ALOXE3: variants seen among roughly 807,000 people sequenced by gnomAD.
The protein encoded by ALOXE3 is arachidonate epidermal lipoxygenase 3.
In ALOXE3, 78 loss-of-function variants were observed where a neutral mutation model predicts 87.5. The observed-to-expected ratio is 0.89, with a 90% CI of 0.74 to 1.08. ALOXE3 has a LOEUF of 1.08. Ranked by LOEUF, ALOXE3 falls within the 50% of genes least tolerant of loss-of-function variation. The pLI is 0.00. For synonymous variants in ALOXE3, 363 were observed against 370.8 expected, an observed-to-expected ratio of 0.98 and a Z score of 0.24; for missense variants, 946 against 912.4, an observed-to-expected ratio of 1.04 and a Z score of -0.47.
intron 13 of ALOXE3, among the ~76,000 whole-genome samples, chr17:8,107,893 GAAAGAAAGAAA>G (rs1979520465): frequency 2.3e-4 from 1 of 4,326 alleles, no homozygotes; most frequent in East Asian, 9.3e-4. Flanking sequence ...AAGAAAGAAA[GAAAGAAAGAAA>G]GAAAGAAAGA....
rs568638291 is a variant in ALOXE3 at position 8,108,567 on chromosome 17, A to G, written c.1585T>C (p.Tyr529His). The change falls in exon 13 of 16, where the codon TAC (tyrosine) becomes CAC (histidine). Residue 529 changes from tyrosine to histidine, a missense_variant. Coordinates refer to ENST00000448843, the MANE Select transcript of ALOXE3 (RefSeq NM_021628.3). Reference sequence around the variant, plus strand: ...ACAGATGCGTCACTGGGATAATAGTAGCCCACGATTTCTGAGACAAAGCTG... The same window carrying G: ...ACAGATGCGTCACTGGGATAATAGTGGCCCACGATTTCTGAGACAAAGCTG... ...IESFVSEIVG[Y>H]YYPSDASVQQ... is the part of the protein sequence containing the mutation. 2.5e-6 allele frequency: 4 copies of G among 1,612,618 alleles called. No homozygotes were observed. In the East Asian group the frequency reaches 6.7e-5, roughly 27 times the overall value.
At chr17:8,101,715 C>A (rs890558103) in intron 15 of ALOXE3, among the ~76,000 whole-genome samples, 5 of 152,068 alleles carry the variant, frequency 3.3e-5, no homozygotes, top group Non-Finnish European at 7.3e-5. Flanking sequence ...TGGCTCACTG[C>A]ATTTTTTTAC....
Position 8,108,465 on chromosome 17 carries a change from T to G in ALOXE3, c.1684+3A>C, listed in dbSNP as rs1979700441. 6.2e-7 allele frequency: 1 copy of G among 1,612,170 alleles called. No individual in the cohort carries two copies. Among genetic ancestry groups the G allele is most frequent in the Non-Finnish European group, 8.5e-7 (1 of 1,178,874 alleles). On this transcript the variant is annotated splice_donor_region_variant and intron_variant, in intron 13 of 15. Coordinates refer to ENST00000448843, the MANE Select transcript of ALOXE3 (RefSeq NM_021628.3). ...CACGGAAAGTGGGATAGAGAGGGGA[T>G]ACCTGAGCTTTCCCGGCCCAGGAAC...
chr17:8,105,169 C>T (rs1979201454), intron 13 of ALOXE3, among the ~76,000 whole-genome samples: 1 of 152,222 alleles, frequency 6.6e-6, no homozygotes, highest in African/African-American at 2.4e-5. Flanking sequence ...CTTGATTGGG[C>T]CCCAGCCCCT....
Position 8,110,404 on chromosome 17 carries a change from A to C in ALOXE3, c.1082T>G (p.Leu361Arg), listed in dbSNP as rs1309546593. 2 of 1,608,914 alleles carry C rather than the reference A, an allele frequency of 1.2e-6. No individual in the cohort carries two copies. Among genetic ancestry groups the C allele is most frequent in the South Asian group, 2.2e-5 (2 of 90,680 alleles). Residue 361 changes from leucine (L) to arginine (R), a missense_variant, in exon 9 of 16, where the codon CTG becomes CGG. Leu to Arg is a moderately radical substitution (Grantham distance 102). Transcript: ENST00000448843. ...CLLWLSPQGALVPLAIQLSQT... is the reference protein window; with the variant it reads ...CLLWLSPQGARVPLAIQLSQT... ...GCTCACCTGGATGGCCAAGGGCACCAGCGCCCCCTGGGGGCTGAGCCACAG... is the reference window on the plus strand; with the variant it reads ...GCTCACCTGGATGGCCAAGGGCACCCGCGCCCCCTGGGGGCTGAGCCACAG...
chr17:8,116,581 G>A (rs1980607092), intron 3 of ALOXE3, among the ~76,000 whole-genome samples, 195 bp downstream of exon 3: 1 of 152,186 alleles, frequency 6.6e-6, no homozygotes, highest in Non-Finnish European at 1.5e-5. Flanking sequence ...TGAGTCTCCA[G>A]AAGAGTCAAT....
In ALOXE3 at chr17:8,108,060, AAAGAAAGG is replaced by A. The variant is rs1567997156; in HGVS notation, c.1684+400_1684+407del. ...GAAAGAAAGAAAGAAAGAAAGAAAG[AAAGAAAGG>A]AAGAGAGGTTGGTGGCTGGAGGGGC... On this transcript the variant is annotated intron_variant, in intron 13 of 15. Transcript: ENST00000448843. 7.4e-5 allele frequency among the ~76,000 whole-genome samples: 11 copies of A among 148,970 alleles called. 2 individuals are homozygous for A. The highest frequency in any genetic ancestry group is 2.7e-4 in the Admixed American group (4 of 14,892).
Position 8,117,904 on chromosome 17 carries a change from C to T in ALOXE3, c.87G>A (p.Thr29=), listed in dbSNP as rs905131537. The T allele has an allele frequency of 1.1e-5, 17 of 1,612,192 alleles. No homozygotes were observed. Among genetic ancestry groups the T allele is most frequent in the Non-Finnish European group, 1.4e-5 (16 of 1,179,632 alleles). The change falls in exon 2 of 16, where the codon ACG becomes ACA. Residue 29 remains threonine (T), a synonymous_variant. Transcript: ENST00000448843. ...GCCGCTGCTTGGGGCTTTCACCACA[C>T]GTGCCCACCAGTGTGACAGAGATGT... ...LDNISVTLVG[T]CGESPKQRLD...
At chr17:8,109,128 C>T in intron 12 of ALOXE3, 46 bp downstream of exon 12, 1 of 1,607,808 alleles carries the variant, frequency 6.2e-7, no homozygotes, top group Non-Finnish European at 8.5e-7. Flanking sequence ...ATGTCCCAGG[C>T]CAGGAGACCC....
chr17:8,108,675 CAG>C (rs1237357422), intron 12 of ALOXE3, 86 bp from the exon 13 acceptor site: 1 of 1,566,032 alleles, frequency 6.4e-7, no homozygotes, highest in African/African-American at 1.4e-5. Flanking sequence ...GCTCAGGCGG[CAG>C]AGAGACAGAT....
rs748889351 is a variant in ALOXE3, at chr17:8,112,098, G to C, written c.779C>G (p.Thr260Arg). 3 of 1,613,838 alleles carry C rather than the reference G, an allele frequency of 1.9e-6. No homozygotes were observed. The highest frequency in any genetic ancestry group is 1.3e-5 in the African/African-American group (1 of 74,908). ...QNIFWCHKTF[T>R]TKYVTEHWCE... ...TCCTGCCTGGCTCTGCTCACTTGTC[G>C]TGAAGGTCTTATGGCACCAGAAGAT... Residue 260 changes from threonine to arginine, a missense_variant, in exon 7 of 16, where the codon ACG (threonine) becomes AGG (arginine). Transcript: ENST00000448843.
rs755813396 is a variant in ALOXE3, at chr17:8,109,339, G to A, written c.1397C>T (p.Thr466Met). 5.0e-6 allele frequency: 8 copies of A among 1,613,688 alleles called. No individual in the cohort carries two copies. The highest frequency in any genetic ancestry group is 3.3e-5 in the Admixed American group (2 of 60,030). ...GATGAGGCCTTGCCTCCCGATGGAC[G>A]TGACCTGAGGACACAGCACAGCTCG... ...LNPEGLVDQV[T>M]SIGRQGLIYL... The change falls in exon 12 of 16, where the codon ACG becomes ATG. Residue 466 changes from threonine to methionine, a missense_variant. By Grantham distance (81) the Thr-to-Met change is moderately conservative. Coordinates refer to ENST00000448843, the MANE Select transcript of ALOXE3 (RefSeq NM_021628.3).
At chr17:8,109,767 G>T in intron 11 of ALOXE3, 149 bp downstream of exon 11, 2 of 814,434 alleles carry the variant, frequency 2.5e-6, no homozygotes, top group Non-Finnish European at 3.9e-6. Flanking sequence ...GAGTGGGCGG[G>T]GCTGGTGGAA....
Position 8,108,017 on chromosome 17 carries a change from AAGAAAGAAAG to A in ALOXE3, c.1684+441_1684+450del, listed in dbSNP as rs1374578963. On this transcript the variant is annotated intron_variant, in intron 13 of 15. Coordinates refer to ENST00000448843, the MANE Select transcript of ALOXE3 (RefSeq NM_021628.3). ...AAGGAAGGAAAGAAAGAAAGAAAGA[AAGAAAGAAAG>A]AAAGAAAGAAAGAAAGAAAGAAAGA... is the stretch of plus-strand genomic sequence containing the variant. Among the ~76,000 whole-genome samples, 6 of 113,654 alleles carry A rather than the reference AAGAAAGAAAG, an allele frequency of 5.3e-5. 1 individual carries two copies. The highest frequency in any genetic ancestry group is 1.9e-4 in the African/African-American group (6 of 31,708). 74.6% of individuals were successfully genotyped at this position (113,654 alleles called of 152,430 possible).
At chr17:8,110,824 T>G (rs1158251457) in intron 8 of ALOXE3, among the ~76,000 whole-genome samples, 1 of 152,158 alleles carries the variant, frequency 6.6e-6, no homozygotes, top group African/African-American at 2.4e-5. Context: ...GGAATCCCCT[T>G]CTGACATCTG....
chr17:8,118,783 T>A, upstream of ALOXE3: 1 of 1,537,200 alleles, frequency 6.5e-7, no homozygotes, highest in Non-Finnish European at 8.7e-7. Flanking sequence ...TGGCATTCTT[T>A]CCGCTCCAGG....
rs774792220 is a variant in ALOXE3 at position 8,116,950 on chromosome 17, C to A, written c.178G>T (p.Glu60Ter). 6.2e-7 allele frequency: 1 copy of A among 1,614,160 alleles called. No individual in the cohort carries two copies. The change falls in exon 3 of 16, where the codon GAG becomes TAG. Residue 60 changes from glutamate (E) to a stop codon, truncating the protein, a stop_gained. Transcript: ENST00000448843. LOFTEE classifies it high-confidence loss of function. ...CGCAGCAGCAAGAGCTCACCCAGCTCCGCTGTGCAACGCACCTTGTACTTC... is the reference window on the plus strand; with the variant it reads ...CGCAGCAGCAAGAGCTCACCCAGCTACGCTGTGCAACGCACCTTGTACTTC... ...VQKYKVRCTA[E>*]LGELLLLRVH...
intron 13 of ALOXE3, among the ~76,000 whole-genome samples, chr17:8,108,010 A>AG (rs1598205726): frequency 3.0e-5 from 2 of 65,574 alleles, no homozygotes; most frequent in East Asian, 6.0e-4. Flanking sequence ...AAAGAAAGAA[A>AG]GAAAGAAAGA....
At position 8,098,851 on chromosome 17, in the gene ALOXE3, T is replaced by C. The variant is rs1978736092; in HGVS notation, c.1957-2045A>G. ...GCTAAGTGGAATAAGTATATATATA[T>C]TTTTTTCTTTTTTTGTTTAAACAGG... is the stretch of plus-strand genomic sequence containing the variant. On this transcript the variant is annotated intron_variant, in intron 15 of 15. Transcript: ENST00000448843. Among the ~76,000 whole-genome samples the C allele has an allele frequency of 2.6e-5, 4 of 151,798 alleles. No homozygotes were observed. The South Asian group carries it at 8.3e-4, about 32-fold the overall frequency.
Sources: allele counts gnomAD v4.1 joint callset (sites outside exome capture counted in the v4.1 genomes callset), GRCh38; gene constraint gnomAD v4.1.1; transcripts MANE v1.5; gene names NCBI Gene and HGNC (gene_info 2026-07-23, HGNC 2026-07-21).